Variants in CLCC1 observed in about 807,000 individuals in gnomAD.
CLCC1 encodes chloride channel CLIC like 1, also known as chloride channel CLIC-like protein 1.
A neutral mutation model predicts 63.3 loss-of-function variants in CLCC1; 39 were observed. The ratio of observed to expected loss-of-function variants is 0.62; its 90% CI spans 0.48 to 0.81. The LOEUF (loss-of-function observed/expected upper bound fraction) is 0.81. Ranked by LOEUF, CLCC1 falls within the 30% of genes least tolerant of loss-of-function variation. The probability of loss-of-function intolerance (pLI) is 0.00; values close to 1 mark genes in which losing one functional copy is unlikely to be tolerated. For missense variants in CLCC1, 549 were observed against 669.4 expected, an observed-to-expected ratio of 0.82 and a Z score of 1.98; for synonymous variants, 217 against 239.8, an observed-to-expected ratio of 0.90 and a Z score of 0.88.
At position 108,949,904 on chromosome 1, in the gene CLCC1, T is replaced by C; in HGVS notation, c.147A>G (p.Ser49=). The C allele has an allele frequency of 1.3e-6, 2 of 1,596,126 alleles. No individual in the cohort carries two copies. The highest frequency in any genetic ancestry group is 4.5e-5 in the East Asian group (2 of 44,270). The change falls in exon 4 of 13, where the codon TCA becomes TCG. Residue 49 remains serine, a synonymous_variant. Transcript: ENST00000369969. ...AGTCAGGACTGACATCCTTTTCCCC[T>C]GAAATACCATATTTTGCCTAAAACA... ...MRKSQAKYGI[S]GEKDVSPDLS...
At chr1:108,936,098 T>G (rs1031512820) in intron 11 of CLCC1, among the ~76,000 whole-genome samples, 8 of 145,010 alleles carry the variant, frequency 5.5e-5, no homozygotes, top group South Asian at 2.3e-4. Context: ...TTTTTTTTTT[T>G]TTTTTTTTTT....
chr1:108,937,655 C>T (rs911818115), intron 10 of CLCC1, among the ~76,000 whole-genome samples: 17 of 152,186 alleles, frequency 1.1e-4, no homozygotes, highest in Admixed American at 9.2e-4. Context: ...CAGCTAGACA[C>T]ATTTCGATTG....
chr1:108,957,685 A>G (rs779831666), intron 2 of CLCC1, among the ~76,000 whole-genome samples: 22 of 151,482 alleles, frequency 1.5e-4, no homozygotes, highest in Non-Finnish European at 3.1e-4. Flanking sequence ...GGGAGAAGGG[A>G]AAAGACTGAA....
intron 7 of CLCC1, 90 bp downstream of exon 7, chr1:108,943,385 T>C: frequency 7.3e-7 from 1 of 1,375,116 alleles, no homozygotes; most frequent in South Asian, 1.3e-5. Context: ...CCAACCCACA[T>C]CCAAGGCAAG....
chr1:108,947,548 A>G (rs1247616923), intron 5 of CLCC1, 63 bp downstream of exon 5: 18 of 955,108 alleles, frequency 1.9e-5, no homozygotes, highest in Non-Finnish European at 1.8e-5. Flanking sequence ...TCTTCATATT[A>G]TTTGAAATTA....
rs1464840369 is a variant in CLCC1, at chr1:108,932,431, T to C, written c.*116A>G. 2 of 152,246 alleles carry C rather than the reference T, an allele frequency of 1.3e-5. No homozygotes were observed. Among genetic ancestry groups the C allele is most frequent in the Non-Finnish European group, 2.9e-5 (2 of 68,046 alleles). The allele number at this position is 152,246 out of a possible 1,614,324, so 9.4% of individuals were successfully genotyped here. ...CATATTTAAGTCTTTCCTGAATTGC[T>C]GTCATCATTCAACAACAGTTGCATG... On this transcript the variant is annotated 3_prime_UTR_variant, in exon 13 of 13. Transcript: ENST00000369969.
rs1329350388 is a variant in CLCC1, at chr1:108,953,580, T to G, written c.-11-3132A>C. ...CACCTTCCCACTGGCCTCTCTATCT[T>G]GTCCCTCCATCTCCCCAACCTCAAC... is the stretch of plus-strand genomic sequence containing the variant. On this transcript the variant is annotated intron_variant, in intron 2 of 12. Transcript: ENST00000369969. Among the ~76,000 whole-genome samples the G allele has an allele frequency of 3.3e-5, 5 of 152,206 alleles. No individual in the cohort carries two copies. The East Asian group carries it at 9.6e-4, about 29-fold the overall frequency.
Position 108,937,391 on chromosome 1 carries a change from C to G in CLCC1, c.1069G>C (p.Val357Leu). The change falls in exon 11 of 13, where the codon GTT (valine) becomes CTT (leucine). Residue 357 changes from valine (V) to leucine (L), a missense_variant. Val to Leu is a conservative substitution (Grantham distance 32). Transcript: ENST00000369969. ...LSFCYGAGKS[V>L]HVLRHIGGPE... is the part of the protein sequence containing the mutation. Reference sequence around the variant, plus strand: ...CCGCCTATATGTCTCAGCACATGAACTGATTTTCCAGCACCATAGCAGAAA... The same window carrying G: ...CCGCCTATATGTCTCAGCACATGAAGTGATTTTCCAGCACCATAGCAGAAA... 1.2e-6 allele frequency: 2 copies of G among 1,608,854 alleles called. No individual in the cohort carries two copies. Among genetic ancestry groups the G allele is most frequent in the Non-Finnish European group, 1.7e-6 (2 of 1,177,714 alleles).
intron 11 of CLCC1, among the ~76,000 whole-genome samples, chr1:108,936,752 T>C (rs562132885): frequency 6.6e-6 from 1 of 152,368 alleles, no homozygotes; most frequent in South Asian, 2.1e-4. Flanking sequence ...CTCCGGGCCT[T>C]CAGTGATGCC....
At chr1:108,956,906 G>GGGGAGGCGGGGAGGCGGGGAGGCA (rs1405823341) in intron 2 of CLCC1, among the ~76,000 whole-genome samples, 2 of 149,296 alleles carry the variant, frequency 1.3e-5, no homozygotes, top group African/African-American at 2.5e-5. Context: ...GCGGGGAGGC[G>GGGGAGGCGGGGAGGCGGGGAGGCA]GGGAGGGAGT....
intron 4 of CLCC1, 61 bp downstream of exon 4, chr1:108,949,759 A>G: frequency 1.2e-6 from 1 of 861,626 alleles, no homozygotes; most frequent in Non-Finnish European, 1.7e-6. Flanking sequence ...CAGCAGAGAC[A>G]AGAATATAGA....
In CLCC1 at chr1:108,930,298, G is replaced by GT. The variant is rs1201846670; in HGVS notation, c.*2248dup. The GT allele has an allele frequency of 1.1e-5, 2 of 187,546 alleles. No homozygotes were observed. The highest frequency in any genetic ancestry group is 2.8e-4 in the South Asian group (2 of 7,162). The allele number at this position is 187,546 out of a possible 1,614,324, so 11.6% of individuals were successfully genotyped here. On this transcript the variant is annotated 3_prime_UTR_variant, in exon 13 of 13. Transcript: ENST00000369969. The stretch of plus-strand genomic sequence containing the variant: ...TTTTAACATCTTAATTGACAATGGC[G>GT]TTTTTTTATACATAACCATGGATGT...
intron 11 of CLCC1, among the ~76,000 whole-genome samples, chr1:108,936,613 C>G (rs1653048105): frequency 6.6e-6 from 1 of 152,210 alleles, no homozygotes. Flanking sequence ...TACCATTCTA[C>G]AGGTAAAAAG....
In CLCC1 at chr1:108,931,113, T is replaced by C; in HGVS notation, c.*1434A>G. 2.3e-6 allele frequency: 1 copy of C among 440,956 alleles called. No individual in the cohort carries two copies. The highest frequency in any genetic ancestry group is 4.2e-5 in the East Asian group (1 of 23,536). 27.3% of individuals were successfully genotyped at this position (440,956 alleles called of 1,614,324 possible). A position where few individuals can be genotyped will look rare whatever the true frequency, so the allele number is the denominator to read the frequency against. ...TAAAAAAATTATTTAAAATGGTCTC[T>C]TCTGTTCCATAATACTGCTGTAAAA... On this transcript the variant is annotated 3_prime_UTR_variant, in exon 13 of 13. Coordinates refer to ENST00000369969, the MANE Select transcript of CLCC1 (RefSeq NM_001377458.1).
At position 108,934,770 on chromosome 1, in the gene CLCC1, G is replaced by T. The variant is rs147516957; in HGVS notation, c.1556C>A (p.Ser519Tyr). 5 of 1,614,222 alleles carry T rather than the reference G, an allele frequency of 3.1e-6. No individual in the cohort carries two copies. The Admixed American group carries it at 8.3e-5, about 27-fold the overall frequency. ...TTGGTCTGGGCTGCCTGCGGCTTCA[G>T]ACTTGAGCTGGGCCTTTTCCGCTGC... ...SPAAEKAQLK[S>Y]EAAGSPDQGS... Residue 519 changes from serine (S) to tyrosine (Y), a missense_variant, in exon 12 of 13, where the codon TCT becomes TAT. Ser to Tyr is a moderately radical substitution (Grantham distance 144). Transcript: ENST00000369969.
rs1651916667 is a variant in CLCC1 at position 108,931,321 on chromosome 1, GGC to G, written c.*1224_*1225del. The G allele has an allele frequency of 6.5e-7, 1 of 1,547,322 alleles. No homozygotes were observed. The highest frequency in any genetic ancestry group is 8.7e-7 in the Non-Finnish European group (1 of 1,145,042). ...TGTCTTCCTTATCCCAGATATTGAA[GGC>G]AGTTTACAAGGGGATGATAACAAAG... On this transcript the variant is annotated 3_prime_UTR_variant, in exon 13 of 13. Coordinates refer to ENST00000369969, the MANE Select transcript of CLCC1 (RefSeq NM_001377458.1).
At chr1:108,937,040 A>G (rs1653122492) in intron 11 of CLCC1, 37 bp downstream of exon 11, 1 of 1,399,008 alleles carries the variant, frequency 7.1e-7, no homozygotes, top group South Asian at 1.7e-5. Context: ...AGAACCAGTA[A>G]TGAAGGGACA....
In CLCC1 at chr1:108,954,444, G is replaced by A. The variant is rs933102341; in HGVS notation, c.-11-3996C>T. Among the ~76,000 whole-genome samples, 34 of 151,206 alleles carry A rather than the reference G, an allele frequency of 2.2e-4. 1 individual carries two copies. The highest frequency in any genetic ancestry group is 7.6e-4 in the African/African-American group (31 of 40,560). On this transcript the variant is annotated intron_variant, in intron 2 of 12. Transcript: ENST00000369969. ...CTGGGTGGGGGACGGAGGCTGCAGT[G>A]AGCCGAGATCGTGCCACTTCACTCC...
At chr1:108,935,382 A>C (rs1464653427) in intron 11 of CLCC1, among the ~76,000 whole-genome samples, 1 of 152,250 alleles carries the variant, frequency 6.6e-6, no homozygotes, top group East Asian at 1.9e-4. Context: ...TGTTGAATTA[A>C]AGAGGCTATG....
Sources: allele counts gnomAD v4.1 joint callset (sites outside exome capture counted in the v4.1 genomes callset), GRCh38; gene constraint gnomAD v4.1.1; transcripts MANE v1.5; gene names NCBI Gene and HGNC (gene_info 2026-07-23, HGNC 2026-07-21).